The following UNC5B variants were observed in gnomAD, a reference collection of about 807,000 sequenced individuals.
UNC5B encodes unc-5 netrin receptor B.
A neutral mutation model predicts 103.7 loss-of-function variants in UNC5B; 56 were observed. The ratio of observed to expected loss-of-function variants is 0.54; its 90% CI spans 0.44 to 0.67. The LOEUF is 0.67. Ranked by LOEUF, UNC5B falls within the 30% of genes least tolerant of loss-of-function variation. UNC5B has a pLI of 0.00. For missense variants in UNC5B, 1,194 were observed against 1,284.5 expected, an observed-to-expected ratio of 0.93 and a Z score of 1.08; for synonymous variants, 577 against 542.0, an observed-to-expected ratio of 1.06 and a Z score of -0.90.
At chr10:71,229,640 AG>A (rs1843643532) in intron 1 of UNC5B, among the ~76,000 whole-genome samples, 1 of 152,196 alleles carries the variant, frequency 6.6e-6, no homozygotes, top group Non-Finnish European at 1.5e-5. Context: ...CTGGAAGGGC[AG>A]GCTAAACAGA....
At chr10:71,262,530 C>T (rs1210990338) in intron 1 of UNC5B, among the ~76,000 whole-genome samples, 1 of 152,172 alleles carries the variant, frequency 6.6e-6, no homozygotes. Context: ...GCCCGGGAGA[C>T]TCATTCATTC....
At chr10:71,249,524 C>T (rs974281037) in intron 1 of UNC5B, among the ~76,000 whole-genome samples, 2 of 152,188 alleles carry the variant, frequency 1.3e-5, no homozygotes, top group African/African-American at 2.4e-5. Flanking sequence ...GCACCTTGCA[C>T]CTCTGTGCCG....
In UNC5B at chr10:71,293,688, T is replaced by C; in HGVS notation, c.1942-12T>C. On this transcript the variant is annotated splice_polypyrimidine_tract_variant and intron_variant, in intron 12 of 16. Coordinates refer to ENST00000335350, the MANE Select transcript of UNC5B (RefSeq NM_170744.5). ...ACTGTGACCACTACCCCACCCTTGC[T>C]GTCCCCTACAGGAGGTGGTGACCCT... 1 of 1,594,998 alleles carries C rather than the reference T, an allele frequency of 6.3e-7. No individual in the cohort carries two copies. The highest frequency in any genetic ancestry group is 8.5e-7 in the Non-Finnish European group (1 of 1,169,996).
intron 1 of UNC5B, among the ~76,000 whole-genome samples, chr10:71,273,981 G>A (rs1844706115): frequency 6.6e-6 from 1 of 152,200 alleles, no homozygotes; most frequent in African/African-American, 2.4e-5. Flanking sequence ...AGAATATTTG[G>A]ATAAGACAGA....
At chr10:71,225,146 C>T (rs1214719571) in intron 1 of UNC5B, among the ~76,000 whole-genome samples, 1 of 152,238 alleles carries the variant, frequency 6.6e-6, no homozygotes, top group Non-Finnish European at 1.5e-5. Context: ...ACGCAAATCT[C>T]ACCCACCTTC....
At position 71,213,762 on chromosome 10, in the gene UNC5B, T is replaced by TGTGTGTGTGTGTGTGTGTGTGTGTG. The variant is rs1589143066; in HGVS notation, c.79+698_79+699insGTGTGTGTGTGTGTGTGTGTGTGTG. ...GTGTGTGTGTGTGTGTGTGTGTGTG[T>TGTGTGTGTGTGTGTGTGTGTGTGTG]TGGATGCGGGTAGGGGTTCTTAGCG... On this transcript the variant is annotated intron_variant, in intron 1 of 16. Coordinates refer to ENST00000335350, the MANE Select transcript of UNC5B (RefSeq NM_170744.5). The surrounding 1 kb of genome is among the most constrained non-coding windows in gnomAD (Gnocchi z 4.1). 6.8e-6 allele frequency among the ~76,000 whole-genome samples: 1 copy of TGTGTGTGTGTGTGTGTGTGTGTGTG among 148,086 alleles called. No individual in the cohort carries two copies. The highest frequency in any genetic ancestry group is 2.5e-5 in the African/African-American group (1 of 39,932).
Position 71,217,034 on chromosome 10 carries a change from G to A in UNC5B, c.79+3970G>A, listed in dbSNP as rs184326391. Among the ~76,000 whole-genome samples, 360 of 152,376 alleles carry A rather than the reference G, an allele frequency of 2.4e-3. 1 individual carries two copies. Among genetic ancestry groups the A allele is most frequent in the Non-Finnish European group, 3.9e-3 (267 of 68,044 alleles). On this transcript the variant is annotated intron_variant, in intron 1 of 16. Transcript: ENST00000335350. The stretch of plus-strand genomic sequence containing the variant: ...CATAGGCTGGGACTTGGGGGTGGGA[G>A]CCTGGGCCCAGGGAAACTGCTGCCT...
At chr10:71,273,199 G>A (rs1844688155) in intron 1 of UNC5B, among the ~76,000 whole-genome samples, 2 of 152,186 alleles carry the variant, frequency 1.3e-5, no homozygotes, top group Admixed American at 1.3e-4. Flanking sequence ...CACAGTGCTT[G>A]TTAAGAAAGA....
intron 1 of UNC5B, among the ~76,000 whole-genome samples, chr10:71,270,925 C>G (rs866970119): frequency 2.6e-5 from 4 of 152,242 alleles, no homozygotes; most frequent in African/African-American, 7.2e-5. Context: ...CTGAGAAAGG[C>G]ACTGTGGTCC....
At chr10:71,296,055 G>A in intron 14 of UNC5B, 95 bp downstream of exon 14, 1 of 1,536,424 alleles carries the variant, frequency 6.5e-7, no homozygotes, top group Non-Finnish European at 8.9e-7. Context: ...GCTCTGTCCT[G>A]TGGCCTTACC....
intron 1 of UNC5B, among the ~76,000 whole-genome samples, chr10:71,258,829 C>T (rs142446770): frequency 2.6e-5 from 4 of 152,364 alleles, no homozygotes; most frequent in African/African-American, 4.8e-5. Flanking sequence ...AGCAGAGGAG[C>T]TGCCAGATGG....
chr10:71,289,219 C>T (rs1385655518), intron 8 of UNC5B, among the ~76,000 whole-genome samples: 1 of 152,256 alleles, frequency 6.6e-6, no homozygotes, highest in African/African-American at 2.4e-5. Flanking sequence ...ACTGAGCCTC[C>T]TCTCATAAGA....
intron 1 of UNC5B, among the ~76,000 whole-genome samples, chr10:71,244,723 C>G (rs914791717): frequency 6.6e-6 from 1 of 152,236 alleles, no homozygotes; most frequent in African/African-American, 2.4e-5. Context: ...CTTCCGAGAA[C>G]CCGCGATCTG....
chr10:71,293,173 T>G (rs914420020), intron 11 of UNC5B, among the ~76,000 whole-genome samples: 3 of 152,138 alleles, frequency 2.0e-5, no homozygotes, highest in African/African-American at 7.2e-5. Context: ...AAGCCAGGAA[T>G]TTTGAGCTAT....
At chr10:71,279,483 G>C (rs919811892) in intron 1 of UNC5B, among the ~76,000 whole-genome samples, 1 of 152,210 alleles carries the variant, frequency 6.6e-6, no homozygotes, top group African/African-American at 2.4e-5. Flanking sequence ...GACGTTGTGG[G>C]GGGGCCCAAG....
chr10:71,251,957 T>C (rs576332977), intron 1 of UNC5B, among the ~76,000 whole-genome samples: 5 of 152,340 alleles, frequency 3.3e-5, no homozygotes, highest in Admixed American at 1.3e-4. Flanking sequence ...AGGTGTGACA[T>C]CTTTGTAAGT....
At chr10:71,263,338 C>T (rs925922873) in intron 1 of UNC5B, among the ~76,000 whole-genome samples, 1 of 152,198 alleles carries the variant, frequency 6.6e-6, no homozygotes, top group Non-Finnish European at 1.5e-5. Flanking sequence ...ACAAGCCCTC[C>T]CTCCCCAAGC....
intron 1 of UNC5B, among the ~76,000 whole-genome samples, chr10:71,239,118 GC>G (rs1843833405): frequency 6.6e-6 from 1 of 152,124 alleles, no homozygotes; most frequent in Non-Finnish European, 1.5e-5. Flanking sequence ...GCCAACCTCT[GC>G]CCCCACAGTG....
chr10:71,245,872 G>A (rs1451813321), intron 1 of UNC5B, among the ~76,000 whole-genome samples: 2 of 152,180 alleles, frequency 1.3e-5, no homozygotes, highest in African/African-American at 4.8e-5. Context: ...AGAGCAAATC[G>A]TATCAGCTCT....
Sources: gnomAD v4.1 joint callset for allele counts (sites outside exome capture counted in the v4.1 genomes callset) on GRCh38, gnomAD v4.1.1 for gene constraint, Gnocchi (gnomAD v3.1) non-coding constraint, MANE v1.5 for transcripts, NCBI Gene and HGNC (gene_info 2026-07-23, HGNC 2026-07-21) for gene names.